Variants in TMTC2 observed in about 807,000 individuals in gnomAD.
TMTC2 encodes the protein transmembrane O-mannosyltransferase targeting cadherins 2.
In TMTC2, 43 loss-of-function variants were observed where a neutral mutation model predicts 82.4. The ratio of observed to expected loss-of-function variants is 0.52; its 90% CI spans 0.41 to 0.67. TMTC2 has a LOEUF of 0.67. Among genes scored for constraint, TMTC2 ranks in the 30% least tolerant of loss-of-function variants. The probability of loss-of-function intolerance (pLI) is 0.00; values close to 1 mark genes in which losing one functional copy is unlikely to be tolerated. For synonymous variants in TMTC2, 408 were observed against 381.9 expected, an observed-to-expected ratio of 1.07 and a Z score of -0.80; for missense variants, 919 against 1,012.4, an observed-to-expected ratio of 0.91 and a Z score of 1.25.
intron 11 of TMTC2, among the ~76,000 whole-genome samples, chr12:83,099,203 G>T (rs1884131677): frequency 6.6e-6 from 1 of 152,018 alleles, no homozygotes; most frequent in South Asian, 2.1e-4. Flanking sequence ...CTATTTCCTA[G>T]GGAGCTCCTA....
intron 8 of TMTC2, among the ~76,000 whole-genome samples, chr12:83,016,396 C>T (rs1396639028): frequency 6.6e-6 from 1 of 152,072 alleles, no homozygotes; most frequent in African/African-American, 2.4e-5. Context: ...TTCAAACCTC[C>T]CCTGACTCAC....
intron 1 of TMTC2, among the ~76,000 whole-genome samples, chr12:82,794,866 A>G (rs1055426450): frequency 2.6e-5 from 4 of 152,174 alleles, no homozygotes; most frequent in African/African-American, 9.6e-5. Context: ...AGCTACCAAT[A>G]GTCTCTGCCT....
At chr12:83,017,819 A>G (rs1880741922) in intron 8 of TMTC2, among the ~76,000 whole-genome samples, 1 of 151,918 alleles carries the variant, frequency 6.6e-6, no homozygotes, top group Non-Finnish European at 1.5e-5. Context: ...AACTGAAAAA[A>G]AAAAAAAAAC....
intron 2 of TMTC2, among the ~76,000 whole-genome samples, chr12:82,860,928 A>G (rs1031291637): frequency 2.6e-5 from 4 of 152,224 alleles, no homozygotes; most frequent in Admixed American, 1.3e-4. Context: ...CTGTCTGTAA[A>G]ATATATAGAT....
chr12:83,028,479 T>C (rs1378095130), intron 8 of TMTC2, among the ~76,000 whole-genome samples: 4 of 152,158 alleles, frequency 2.6e-5, no homozygotes, highest in Admixed American at 6.6e-5. Flanking sequence ...TTTGTTACAG[T>C]TGATGAGTCT....
intron 8 of TMTC2, among the ~76,000 whole-genome samples, chr12:83,006,515 G>A (rs1197288929): frequency 6.6e-6 from 1 of 151,918 alleles, no homozygotes; most frequent in Non-Finnish European, 1.5e-5. Context: ...TTAAAAAACC[G>A]AACTTTCCAT....
intron 1 of TMTC2, among the ~76,000 whole-genome samples, chr12:82,786,411 C>T (rs1316673889): frequency 6.6e-6 from 1 of 152,038 alleles, no homozygotes; most frequent in Non-Finnish European, 1.5e-5. Flanking sequence ...ATGGCTCTCA[C>T]CGTTCAGAAG....
rs371598737 is a variant in TMTC2, at chr12:83,042,820, A to C, written c.2153-8084A>C. Among the ~76,000 whole-genome samples the C allele has an allele frequency of 3.9e-5, 6 of 152,234 alleles. No homozygotes were observed. The East Asian group carries it at 1.2e-3, about 29-fold the overall frequency. ...GCCTTCTGTTTCTCTAATCTTCTTCACACTAGACACCTTCCTTGCCACCTG... is the reference window on the plus strand; with the variant it reads ...GCCTTCTGTTTCTCTAATCTTCTTCCCACTAGACACCTTCCTTGCCACCTG... On this transcript the variant is annotated intron_variant, in intron 9 of 11. Coordinates refer to ENST00000321196, the MANE Select transcript of TMTC2 (RefSeq NM_152588.3).
intron 7 of TMTC2, among the ~76,000 whole-genome samples, chr12:82,967,635 G>A (rs10862531): frequency 0.69 from 104,999 of 151,712 alleles, 38,134 homozygotes; most frequent in South Asian, 0.85. Flanking sequence ...TTTGATGATG[G>A]TTACCCCTGC....
chr12:82,790,054 T>C (rs2137020947), intron 1 of TMTC2, among the ~76,000 whole-genome samples: 1 of 151,914 alleles, frequency 6.6e-6, no homozygotes, highest in Non-Finnish European at 1.5e-5. Flanking sequence ...CAGAAAAAAT[T>C]AGCTGGGTGT....
rs1445072198 is a variant in TMTC2 at position 82,963,818 on chromosome 12, T to C, written c.1599-1206T>C. 1.9e-3 allele frequency among the ~76,000 whole-genome samples: 157 copies of C among 84,442 alleles called. 6 individuals carry two copies. Among genetic ancestry groups the C allele is most frequent in the African/African-American group, 2.4e-3 (37 of 15,424 alleles). The allele number at this position is 84,442 out of a possible 152,430, so 55.4% of individuals were successfully genotyped here. A position where few individuals can be genotyped will look rare whatever the true frequency, so the allele number is the denominator to read the frequency against. ...ATATATATATATATATATATATATATATATATATATATATATATATATATA... is the reference window on the plus strand; with the variant it reads ...ATATATATATATATATATATATATACATATATATATATATATATATATATA... On this transcript the variant is annotated intron_variant, in intron 4 of 11. Coordinates refer to ENST00000321196, the MANE Select transcript of TMTC2 (RefSeq NM_152588.3).
intron 1 of TMTC2, among the ~76,000 whole-genome samples, chr12:82,836,194 T>C (rs1377195590): frequency 2.0e-5 from 3 of 152,182 alleles, no homozygotes; most frequent in Non-Finnish European, 2.9e-5. Flanking sequence ...GATAACCCTT[T>C]TAATGGGCTT....
chr12:82,903,392 G>C (rs963529018), intron 3 of TMTC2, among the ~76,000 whole-genome samples: 8 of 142,152 alleles, frequency 5.6e-5, no homozygotes, highest in African/African-American at 2.0e-4. Flanking sequence ...AGAAGGTAGA[G>C]TTTTTTTGTT....
At chr12:82,937,505 T>A (rs931755391) in intron 4 of TMTC2, among the ~76,000 whole-genome samples, 4 of 1,068 alleles carry the variant, frequency 3.7e-3, no homozygotes, top group Middle Eastern at 0.5. Context: ...TCTGAAATAG[T>A]GGAGGTTTAG....
intron 11 of TMTC2, among the ~76,000 whole-genome samples, chr12:83,070,932 C>A (rs1883089423): frequency 1.3e-5 from 2 of 152,234 alleles, no homozygotes; most frequent in Middle Eastern, 3.4e-3. Context: ...GCTTTTTCTG[C>A]ATCTATTGAG....
At chr12:83,095,095 TATTC>T (rs1247352874) in intron 11 of TMTC2, among the ~76,000 whole-genome samples, 1 of 152,132 alleles carries the variant, frequency 6.6e-6, no homozygotes, top group Admixed American at 6.5e-5. Flanking sequence ...ACAAGGGAAT[TATTC>T]AAGAGGTTGG....
At position 83,020,091 on chromosome 12, in the gene TMTC2, T is replaced by G. The variant is rs577590092; in HGVS notation, c.2071-10707T>G. ...TTTTGATTTTTAGATCAAGCATCAA[T>G]TCTTTGGAAACCTTCCTTGAGTATT... is the stretch of plus-strand genomic sequence containing the variant. On this transcript the variant is annotated intron_variant, in intron 8 of 11. Coordinates refer to ENST00000321196, the MANE Select transcript of TMTC2 (RefSeq NM_152588.3). 3.9e-5 allele frequency among the ~76,000 whole-genome samples: 6 copies of G among 152,316 alleles called. No homozygotes were observed. In the South Asian group the frequency reaches 1.2e-3, roughly 32 times the overall value.
At chr12:82,905,478 T>G (rs1410281495) in intron 3 of TMTC2, among the ~76,000 whole-genome samples, 1 of 152,188 alleles carries the variant, frequency 6.6e-6, no homozygotes, top group Non-Finnish European at 1.5e-5. Flanking sequence ...TGAGGAAAAC[T>G]TAAGTGCTAA....
intron 4 of TMTC2, among the ~76,000 whole-genome samples, chr12:82,959,275 C>G (rs1038738199): frequency 3.3e-5 from 5 of 152,090 alleles, no homozygotes; most frequent in Non-Finnish European, 5.9e-5. Context: ...AGATTCAGTG[C>G]TATTTCTATC....
Sources: allele counts gnomAD v4.1 joint callset (sites outside exome capture counted in the v4.1 genomes callset), GRCh38; gene constraint gnomAD v4.1.1; transcripts MANE v1.5; gene names NCBI Gene and HGNC (gene_info 2026-07-23, HGNC 2026-07-21).